SBK3: variants seen among roughly 807,000 people sequenced by gnomAD.
The protein encoded by SBK3 is SH3 domain binding kinase family member 3, also known as uncharacterized serine/threonine-protein kinase SBK3.
SBK3 carries 16 observed loss-of-function variants against 12.7 expected under a neutral mutation model. The observed-to-expected ratio is 1.26, with a 90% CI of 0.86 to 1.92. The LOEUF (loss-of-function observed/expected upper bound fraction) is 1.92, where lower values mean the gene tolerates loss of function less well. SBK3 is among the 40% of genes most tolerant of loss of function. The probability of loss-of-function intolerance (pLI) is 0.00; values close to 1 mark genes in which losing one functional copy is unlikely to be tolerated. For synonymous variants in SBK3, 217 were observed against 213.6 expected (o/e 1.02, Z -0.14); for missense variants, 462 against 481.8 (o/e 0.96, Z 0.38).
At position 55,544,130 on chromosome 19, in the gene SBK3, A is replaced by G; in HGVS notation, c.369T>C (p.Cys123=). The G allele has an allele frequency of 6.6e-7, 1 of 1,526,438 alleles. No individual in the cohort carries two copies. Among genetic ancestry groups the G allele is most frequent in the Non-Finnish European group, 8.8e-7 (1 of 1,142,124 alleles). The allele number at this position is 1,526,438 out of a possible 1,614,324, so 94.6% of individuals were successfully genotyped here. A position where few individuals can be genotyped will look rare whatever the true frequency, so the allele number is the denominator to read the frequency against. ...YFAFAQEYAP[C]GDLSGMLQER... ...CCTGCAGCATCCCGCTGAGGTCCCC[A>G]CAGGGCGCGTACTCCTGGGCGAAGG... Residue 123 remains cysteine (C), a synonymous_variant, in exon 3 of 4, where the codon TGT becomes TGC. Coordinates refer to ENST00000612221, the MANE Select transcript of SBK3 (RefSeq NM_001199824.2).
chr19:55,541,422 G>A lies in SBK3; in HGVS notation c.504C>T (p.Asn168=), dbSNP rs774651840. The change falls in exon 4 of 4, where the codon AAC becomes AAT. Residue 168 remains asparagine (N), a synonymous_variant. Transcript: ENST00000612221. This position sits in a 1 kb window ranked among gnomAD's most constrained non-coding sequence, Gnocchi z 5.3. ...TGCAGACCGGGTCGAAGACCAGCAC[G>A]TTGTCAGGTTTGACATCTGCGTGGA... ...GLVHADVKPD[N]VLVFDPVCSR... is the part of the protein sequence containing the mutation. 68 of 1,535,858 alleles carry A rather than the reference G, an allele frequency of 4.4e-5. 2 individuals carry two copies. The South Asian group carries it at 7.0e-4, about 16-fold the overall frequency.
rs552072592 is a variant in SBK3 at position 55,545,038 on chromosome 19, G to C, written c.46-89C>G. 6.8e-5 allele frequency: 70 copies of C among 1,028,310 alleles called. No individual in the cohort carries two copies. In the African/African-American group the frequency reaches 9.3e-4, roughly 14 times the overall value. The allele number at this position is 1,028,310 out of a possible 1,614,324, so 63.7% of individuals were successfully genotyped here. A position where few individuals can be genotyped will look rare whatever the true frequency, so the allele number is the denominator to read the frequency against. The stretch of plus-strand genomic sequence containing the variant: ...GAGGTCACGGCGCAGCCCCAGGATG[G>C]AGGGTGGGGCAGGGGACAGGGGTCA... On this transcript the variant is annotated intron_variant, in intron 1 of 3. Transcript: ENST00000612221. The surrounding 1 kb of genome is among the most constrained non-coding windows in gnomAD (Gnocchi z 4.4).
At chr19:55,542,547 T>TCATC (rs143447101) in intron 3 of SBK3, among the ~76,000 whole-genome samples, 3,219 of 129,666 alleles carry the variant, frequency 0.025, 74 homozygotes, top group East Asian at 0.11. Context: ...ACCAATCCTT[T>TCATC]CATCCATCCA....
At position 55,545,067 on chromosome 19, in the gene SBK3, T is replaced by G; in HGVS notation, c.46-118A>C. 1.3e-6 allele frequency: 1 copy of G among 744,684 alleles called. No individual in the cohort carries two copies. The highest frequency in any genetic ancestry group is 1.9e-5 in the South Asian group (1 of 53,784). 46.1% of individuals were successfully genotyped at this position (744,684 alleles called of 1,614,324 possible). On this transcript the variant is annotated intron_variant, in intron 1 of 3. Transcript: ENST00000612221. The surrounding 1 kb of genome is among the most constrained non-coding windows in gnomAD (Gnocchi z 4.4). ...GTGGGGCAGGGGACAGGGGTCACTG[T>G]CCCCAGAGAGGAGGATGAGTCACAG...
At position 55,544,222 on chromosome 19, in the gene SBK3, A is replaced by G. The variant is rs1734028629; in HGVS notation, c.277T>C (p.Cys93Arg). 5 of 1,535,932 alleles carry G rather than the reference A, an allele frequency of 3.3e-6. No individual in the cohort carries two copies. Among genetic ancestry groups the G allele is most frequent in the Admixed American group, 3.9e-5 (2 of 50,974 alleles). Residue 93 changes from cysteine to arginine, a missense_variant, in exon 3 of 4, where the codon TGC becomes CGC. Coordinates refer to ENST00000612221, the MANE Select transcript of SBK3 (RefSeq NM_001199824.2). ...TFLREFCVGR[C>R]VSAHPGLLQT... is the part of the protein sequence containing the mutation. ...AGCAGGCCTGGGTGTGCAGAGACGC[A>G]GCGGCCCACACAGAACTCCCTCAGG...
rs1568495793 is a variant in SBK3, at chr19:55,541,283, CG to C, written c.642del (p.Asp215ThrfsTer45). On this transcript the variant is annotated frameshift_variant, in exon 4 of 4. Transcript: ENST00000612221. LOFTEE classifies it low-confidence loss of function (END_TRUNC). The surrounding 1 kb of genome is among the most constrained non-coding windows in gnomAD (Gnocchi z 5.3). ...ACGGCTGGCCGCAGAGGCAGGGTGT[CG>C]GGCGGTAGCAGGAGACAGAGCTCAG... ...APPELCLLLP[P>X]DTLPLRPAVD... 6.5e-7 allele frequency: 1 copy of C among 1,535,746 alleles called. No individual in the cohort carries two copies. The highest frequency in any genetic ancestry group is 1.2e-5 in the South Asian group (1 of 84,046).
Position 55,545,305 on chromosome 19 carries a change from G to T in SBK3, c.45+194C>A, listed in dbSNP as rs1429987209. ...TGTGCATCCCGCTGTGTGTTTCTGA[G>T]TCCAATTCTCTGGGGGCCTTGGTCT... On this transcript the variant is annotated intron_variant, in intron 1 of 3. Coordinates refer to ENST00000612221, the MANE Select transcript of SBK3 (RefSeq NM_001199824.2). The surrounding 1 kb of genome is among the most constrained non-coding windows in gnomAD (Gnocchi z 4.4). 1 of 599,270 alleles carries T rather than the reference G, an allele frequency of 1.7e-6. No individual in the cohort carries two copies. Among genetic ancestry groups the T allele is most frequent in the Non-Finnish European group, 2.9e-6 (1 of 339,080 alleles). 37.1% of individuals were successfully genotyped at this position (599,270 alleles called of 1,614,324 possible). A position where few individuals can be genotyped will look rare whatever the true frequency, so the allele number is the denominator to read the frequency against.
Position 55,544,954 on chromosome 19 carries a change from G to C in SBK3, c.46-5C>G. The C allele has an allele frequency of 6.5e-7, 1 of 1,527,578 alleles. No homozygotes were observed. Among genetic ancestry groups the C allele is most frequent in the Non-Finnish European group, 8.7e-7 (1 of 1,143,210 alleles). The allele number at this position is 1,527,578 out of a possible 1,614,324, so 94.6% of individuals were successfully genotyped here. ...GAGGGCTGTGGCTGTGTCCTCCTAC[G>C]GGAGAGGGGCAGGGTGAGGAGGGGG... On this transcript the variant is annotated splice_region_variant and splice_polypyrimidine_tract_variant and intron_variant, in intron 1 of 3. Coordinates refer to ENST00000612221, the MANE Select transcript of SBK3 (RefSeq NM_001199824.2).
Position 55,540,800 on chromosome 19 carries a change from G to A in SBK3, c.*46C>T. Reference sequence around the variant, plus strand: ...ATCCAGGTGGCCCTGGGGGCTGGGGGAAGGGCCTCTGGCCCAGGCTCTGGC... The same window carrying A: ...ATCCAGGTGGCCCTGGGGGCTGGGGAAAGGGCCTCTGGCCCAGGCTCTGGC... On this transcript the variant is annotated 3_prime_UTR_variant, in exon 4 of 4. Transcript: ENST00000612221. 2.0e-6 allele frequency: 3 copies of A among 1,495,518 alleles called. No homozygotes were observed. Among genetic ancestry groups the A allele is most frequent in the Middle Eastern group, 1.7e-4 (1 of 5,932 alleles). The allele number at this position is 1,495,518 out of a possible 1,614,324, so 92.6% of individuals were successfully genotyped here.
Position 55,540,717 on chromosome 19 carries a change from TC to T in SBK3, c.*128del, listed in dbSNP as rs1268155506. The T allele has an allele frequency of 1.2e-6, 1 of 820,854 alleles. No homozygotes were observed. The highest frequency in any genetic ancestry group is 2.0e-6 in the Non-Finnish European group (1 of 495,104). The allele number at this position is 820,854 out of a possible 1,614,324, so 50.8% of individuals were successfully genotyped here. A position where few individuals can be genotyped will look rare whatever the true frequency, so the allele number is the denominator to read the frequency against. On this transcript the variant is annotated 3_prime_UTR_variant, in exon 4 of 4. Transcript: ENST00000612221. Reference sequence around the variant, plus strand: ...AGGAATGCGCGTCCAAGCCCAGCGTTCCGTAGGGAGAGTGCAATGTGTTCCC... The same window carrying T: ...AGGAATGCGCGTCCAAGCCCAGCGTTCGTAGGGAGAGTGCAATGTGTTCCC...
rs1275301659 is a variant in SBK3, at chr19:55,541,423, T to C, written c.503A>G (p.Asn168Ser). The C allele has an allele frequency of 6.5e-7, 1 of 1,535,836 alleles. No individual in the cohort carries two copies. ...GCAGACCGGGTCGAAGACCAGCACG[T>C]TGTCAGGTTTGACATCTGCGTGGAC... ...GLVHADVKPD[N>S]VLVFDPVCSR... Residue 168 changes from asparagine (N) to serine (S), a missense_variant, in exon 4 of 4, where the codon AAC becomes AGC. Physicochemically the swap from Asn to Ser is conservative, Grantham distance 46. Transcript: ENST00000612221. The surrounding 1 kb of genome is among the most constrained non-coding windows in gnomAD (Gnocchi z 5.3).
rs200175351 is a variant in SBK3 at position 55,540,966 on chromosome 19, C to G, written c.960G>C (p.Leu320Phe). ...TGTCCTCATAGGACACGGCGCTCCC[C>G]AAAACCCCAGGTCCCTCTCTGTTCC... ...LQGNREGPGV[L>F]GSAVSYEDRE... Residue 320 changes from leucine (L) to phenylalanine (F), a missense_variant, in exon 4 of 4, where the codon TTG becomes TTC. Transcript: ENST00000612221. 6.5e-7 allele frequency: 1 copy of G among 1,535,750 alleles called. No homozygotes were observed. The highest frequency in any genetic ancestry group is 1.4e-5 in the African/African-American group (1 of 73,150).
intron 3 of SBK3, 64 bp downstream of exon 3, chr19:55,544,036 C>A: frequency 7.4e-7 from 1 of 1,355,504 alleles, no homozygotes; most frequent in Non-Finnish European, 9.7e-7. Context: ...GAGACAGAGA[C>A]GGGGCTTGGG....
Position 55,541,096 on chromosome 19 carries a change from G to T in SBK3, c.830C>A (p.Pro277His). 5 of 1,535,918 alleles carry T rather than the reference G, an allele frequency of 3.3e-6. No individual in the cohort carries two copies. The highest frequency in any genetic ancestry group is 4.4e-6 in the Non-Finnish European group (5 of 1,146,806). The change falls in exon 4 of 4, where the codon CCC becomes CAC. Residue 277 changes from proline (P) to histidine (H), a missense_variant. Physicochemically the swap from Pro to His is moderately conservative, Grantham distance 77 (BLOSUM62 -2). Coordinates refer to ENST00000612221, the MANE Select transcript of SBK3 (RefSeq NM_001199824.2). This position sits in a 1 kb window ranked among gnomAD's most constrained non-coding sequence, Gnocchi z 5.3. ...QPPPPWDQFAPPALALLQGLL... is the reference protein window; with the variant it reads ...QPPPPWDQFAHPALALLQGLL... ...CCCCTGGAGCAAGGCCAGGGCTGGG[G>T]GCGCAAACTGGTCCCAGGGTGGTGG...
rs558935068 is a variant in SBK3, at chr19:55,541,387, G to T, written c.539C>A (p.Ala180Asp). 8.2e-5 allele frequency: 126 copies of T among 1,535,838 alleles called. 1 individual carries two copies. In the South Asian group the frequency reaches 1.4e-3, roughly 18 times the overall value. The change falls in exon 4 of 4, where the codon GCC (alanine) becomes GAC (aspartate). Residue 180 changes from alanine to aspartate, a missense_variant. Physicochemically the swap from Ala to Asp is moderately radical, Grantham distance 126. Transcript: ENST00000612221. The surrounding 1 kb of genome is among the most constrained non-coding windows in gnomAD (Gnocchi z 5.3). Reference sequence around the variant, plus strand: ...CCGGGTCAGACCCAGGTCTCCCAGGGCCACACGGCTGCAGACCGGGTCGAA... The same window carrying T: ...CCGGGTCAGACCCAGGTCTCCCAGGTCCACACGGCTGCAGACCGGGTCGAA... ...LVFDPVCSRV[A>D]LGDLGLTRPE...
In SBK3 at chr19:55,545,420, T is replaced by A; in HGVS notation, c.45+79A>T. On this transcript the variant is annotated intron_variant, in intron 1 of 3. Transcript: ENST00000612221. This position sits in a 1 kb window ranked among gnomAD's most constrained non-coding sequence, Gnocchi z 4.4. ...TTTCCCTGTTTTCTGTTTCTCTTCC[T>A]CTCTCTCCCCGTGTTGCCTCCTGCC... 8.5e-7 allele frequency: 1 copy of A among 1,174,610 alleles called. No homozygotes were observed. The highest frequency in any genetic ancestry group is 1.2e-6 in the Non-Finnish European group (1 of 828,238). The allele number at this position is 1,174,610 out of a possible 1,614,324, so 72.8% of individuals were successfully genotyped here.
Position 55,540,860 on chromosome 19 carries a change from C to T in SBK3, c.1066G>A (p.Gly356Arg). 6.5e-7 allele frequency: 1 copy of T among 1,536,092 alleles called. No individual in the cohort carries two copies. The highest frequency in any genetic ancestry group is 8.7e-7 in the Non-Finnish European group (1 of 1,146,854). Residue 356 changes from glycine (G) to arginine (R), a missense_variant, in exon 4 of 4, where the codon GGG becomes AGG. Transcript: ENST00000612221. Reference protein sequence around the residue: ...SKSGGRTGTDGGAP With the variant: ...SKSGGRTGTDRGAP Reference sequence around the variant, plus strand: ...CTGTCACCTGGTCAGGGAGCTCCCCCATCTGTCCCCGTCCTCCCACCACTT... The same window carrying T: ...CTGTCACCTGGTCAGGGAGCTCCCCTATCTGTCCCCGTCCTCCCACCACTT...
At chr19:55,543,367 T>C (rs575748287) in intron 3 of SBK3, among the ~76,000 whole-genome samples, 1,221 of 52,622 alleles carry the variant, frequency 0.023, 7 homozygotes, top group Non-Finnish European at 0.027. Context: ...CACCCACCCA[T>C]CCATCTACCA....
Position 55,544,127 on chromosome 19 carries a change from C to G in SBK3, c.372G>C (p.Gly124=), listed in dbSNP as rs1466881227. 6.6e-7 allele frequency: 1 copy of G among 1,522,718 alleles called. No individual in the cohort carries two copies. The highest frequency in any genetic ancestry group is 8.8e-7 in the Non-Finnish European group (1 of 1,140,366). The allele number at this position is 1,522,718 out of a possible 1,614,324, so 94.3% of individuals were successfully genotyped here. A position where few individuals can be genotyped will look rare whatever the true frequency, so the allele number is the denominator to read the frequency against. Residue 124 remains glycine, a synonymous_variant, in exon 3 of 4, where the codon GGG becomes GGC. Coordinates refer to ENST00000612221, the MANE Select transcript of SBK3 (RefSeq NM_001199824.2). ...FAFAQEYAPC[G]DLSGMLQERG... ...TTTCCTGCAGCATCCCGCTGAGGTC[C>G]CCACAGGGCGCGTACTCCTGGGCGA...
Sources: allele counts gnomAD v4.1 joint callset (sites outside exome capture counted in the v4.1 genomes callset), GRCh38; gene constraint gnomAD v4.1.1; non-coding constraint Gnocchi (gnomAD v3.1); transcripts MANE v1.5; gene names NCBI Gene and HGNC (gene_info 2026-07-23, HGNC 2026-07-21).